The following EIF4G3 variants were observed in gnomAD, a reference collection of about 807,000 sequenced individuals.
EIF4G3 encodes eukaryotic translation initiation factor 4 gamma 3, also known as eIF-4-gamma 3.
In EIF4G3, 34 loss-of-function variants were observed where a neutral mutation model predicts 186.4. That is an observed-to-expected ratio of 0.18 (90% CI 0.14 to 0.24). The LOEUF (loss-of-function observed/expected upper bound fraction) is 0.24, where lower values mean the gene tolerates loss of function less well. Among genes scored for constraint, EIF4G3 ranks in the 10% least tolerant of loss-of-function variants. The pLI, the probability that EIF4G3 is intolerant of heterozygous loss-of-function variation, is 1.00. For synonymous variants in EIF4G3, 673 were observed against 679.5 expected (o/e 0.99, Z 0.15); for missense variants, 1,536 against 1,948.5 (o/e 0.79, Z 3.99).
intron 2 of EIF4G3, among the ~76,000 whole-genome samples, chr1:21,133,080 G>A (rs1451081291): frequency 6.6e-6 from 1 of 151,604 alleles, no homozygotes; most frequent in Non-Finnish European, 1.5e-5. Flanking sequence ...AATCATGCCC[G>A]GCCCCAAATT....
intron 2 of EIF4G3, among the ~76,000 whole-genome samples, chr1:21,119,444 C>T (rs968927426): frequency 2.6e-5 from 4 of 152,080 alleles, no homozygotes; most frequent in African/African-American, 9.7e-5. Flanking sequence ...ACCTAATTTT[C>T]CCGGGTCATG....
rs1485467866 is a variant in EIF4G3 at position 20,816,957 on chromosome 1, T to G, written c.4515+435A>C. Among the ~76,000 whole-genome samples, 8 of 144,768 alleles carry G rather than the reference T, an allele frequency of 5.5e-5. No individual in the cohort carries two copies. The East Asian group carries it at 1.4e-3, about 26-fold the overall frequency. The allele number at this position is 144,768 out of a possible 152,430, so 95.0% of individuals were successfully genotyped here. ...TGTGACCTTAACCCCAACCCTGTGCTCTCTGAAACACGTGCTGTGTCCACT... is the reference window on the plus strand; with the variant it reads ...TGTGACCTTAACCCCAACCCTGTGCGCTCTGAAACACGTGCTGTGTCCACT... On this transcript the variant is annotated intron_variant, in intron 34 of 36. Coordinates refer to ENST00000602326, the MANE Select transcript of EIF4G3 (RefSeq NM_001391906.1).
At chr1:21,118,485 G>C (rs2096867299) in intron 2 of EIF4G3, among the ~76,000 whole-genome samples, 1 of 152,114 alleles carries the variant, frequency 6.6e-6, no homozygotes, top group Non-Finnish European at 1.5e-5. Flanking sequence ...CTAGTATTAA[G>C]ATTAGATATA....
chr1:20,876,719 C>T (rs916360737), intron 20 of EIF4G3, among the ~76,000 whole-genome samples: 1 of 152,058 alleles, frequency 6.6e-6, no homozygotes, highest in African/African-American at 2.4e-5. Context: ...TCCAGGAGGC[C>T]AGGAGGTGGC....
At chr1:20,831,535 T>C (rs2065177995) in intron 30 of EIF4G3, among the ~76,000 whole-genome samples, 1 of 151,606 alleles carries the variant, frequency 6.6e-6, no homozygotes, top group Non-Finnish European at 1.5e-5. Context: ...TGCCTTTGCA[T>C]TTTTCTTTTT....
Position 20,942,006 on chromosome 1 carries a change from G to C in EIF4G3, c.1148C>G (p.Pro383Arg). Residue 383 changes from proline (P) to arginine (R), a missense_variant, in exon 14 of 37, where the codon CCA becomes CGA. Transcript: ENST00000602326. ...TATATCATCATCATTTTCATTTGTT[G>C]GTAAAGGGTCTGATGTTTCTGTGCA... ...TSCTETSDPL[P>R]TNENDDDICK... 2 of 1,614,118 alleles carry C rather than the reference G, an allele frequency of 1.2e-6. No individual in the cohort carries two copies.
chr1:21,001,465 C>T (rs1038989400), intron 5 of EIF4G3, among the ~76,000 whole-genome samples, 153 bp from the exon 6 acceptor site: 2 of 152,190 alleles, frequency 1.3e-5, no homozygotes, highest in African/African-American at 4.8e-5. Flanking sequence ...GCAATAGGAG[C>T]TTACCATAAT....
chr1:21,141,318 G>GAT (rs1449641914), intron 2 of EIF4G3, among the ~76,000 whole-genome samples: 1 of 151,878 alleles, frequency 6.6e-6, no homozygotes, highest in African/African-American at 2.4e-5. Context: ...AATGCTGTGG[G>GAT]ATAGCATGTG....
intron 20 of EIF4G3, among the ~76,000 whole-genome samples, chr1:20,877,502 T>G (rs961832175): frequency 1.3e-5 from 2 of 152,204 alleles, no homozygotes; most frequent in African/African-American, 4.8e-5. Flanking sequence ...AAATAATATG[T>G]ATATATAAAG....
intron 4 of EIF4G3, among the ~76,000 whole-genome samples, chr1:21,005,720 G>A (rs2084878288): frequency 6.6e-6 from 1 of 152,076 alleles, no homozygotes; most frequent in Non-Finnish European, 1.5e-5. Flanking sequence ...CCTGATCACA[G>A]ATATTGCTGG....
intron 25 of EIF4G3, among the ~76,000 whole-genome samples, chr1:20,856,673 C>T (rs922140193): frequency 1.3e-5 from 2 of 152,144 alleles, no homozygotes; most frequent in Non-Finnish European, 2.9e-5. Context: ...GTTTCCTTTA[C>T]GCCTTGGATA....
chr1:20,829,301 A>G (rs1202687165), intron 30 of EIF4G3, 29 bp from the exon 31 acceptor site: 1 of 1,603,508 alleles, frequency 6.2e-7, no homozygotes, highest in Admixed American at 1.8e-5. Flanking sequence ...TAAAAATCAC[A>G]TGCAAATGTA....
intron 4 of EIF4G3, among the ~76,000 whole-genome samples, chr1:21,041,989 C>CTTTTT (rs762068508): frequency 1.4e-5 from 2 of 142,074 alleles, no homozygotes; most frequent in East Asian, 2.0e-4. Flanking sequence ...CTTTTCTTTT[C>CTTTTT]TTTTTTTTTT....
intron 2 of EIF4G3, among the ~76,000 whole-genome samples, chr1:21,096,621 C>T (rs1445677958): frequency 6.6e-6 from 1 of 152,128 alleles, no homozygotes; most frequent in African/African-American, 2.4e-5. Context: ...TTGATAATAA[C>T]CAAAATAAAA....
chr1:20,825,322 C>T (rs1470886092), intron 32 of EIF4G3, 124 bp from the exon 33 acceptor site: 13 of 710,516 alleles, frequency 1.8e-5, no homozygotes, highest in African/African-American at 1.5e-4. Context: ...AAAATCAAAA[C>T]GTTTCCAGCA....
At chr1:21,068,396 A>AAAAAAAC (rs1200202846) in intron 3 of EIF4G3, among the ~76,000 whole-genome samples, 2 of 148,704 alleles carry the variant, frequency 1.3e-5, no homozygotes, top group Non-Finnish European at 3.0e-5. Context: ...AAAAAAAAAA[A>AAAAAAAC]AAAACAGAAT....
chr1:20,853,790 G>C lies in EIF4G3; in HGVS notation c.3434-113C>G, dbSNP rs545126164. 1.4e-5 allele frequency: 10 copies of C among 733,850 alleles called. No homozygotes were observed. In the African/African-American group the frequency reaches 1.6e-4, roughly 12 times the overall value. 45.5% of individuals were successfully genotyped at this position (733,850 alleles called of 1,614,324 possible). ...AGACCAGGCATTCCTAACAAGCTTAGGTGACGCCCATCTCCTGGTCCCTCT... is the reference window on the plus strand; with the variant it reads ...AGACCAGGCATTCCTAACAAGCTTACGTGACGCCCATCTCCTGGTCCCTCT... On this transcript the variant is annotated intron_variant, in intron 26 of 36. Coordinates refer to ENST00000602326, the MANE Select transcript of EIF4G3 (RefSeq NM_001391906.1).
chr1:20,924,065 T>A (rs2094688539), intron 14 of EIF4G3, among the ~76,000 whole-genome samples: 1 of 152,198 alleles, frequency 6.6e-6, no homozygotes, highest in Non-Finnish European at 1.5e-5. Flanking sequence ...AACTCATGGT[T>A]AAGTCATTCA....
At chr1:20,878,056 G>A (rs2154553913) in intron 20 of EIF4G3, among the ~76,000 whole-genome samples, 2 of 152,186 alleles carry the variant, frequency 1.3e-5, no homozygotes, top group East Asian at 3.9e-4. Flanking sequence ...TAGTAGAGAC[G>A]AAGTTTCCCC....
Sources: allele counts gnomAD v4.1 joint callset (sites outside exome capture counted in the v4.1 genomes callset), GRCh38; gene constraint gnomAD v4.1.1; transcripts MANE v1.5; gene names NCBI Gene and HGNC (gene_info 2026-07-23, HGNC 2026-07-21).